Variants in NRG3 observed in about 807,000 individuals in gnomAD.
NRG3 encodes the protein pro-neuregulin-3, membrane-bound isoform.
NRG3 carries 31 observed loss-of-function variants against 66.9 expected under a neutral mutation model. The observed-to-expected ratio is 0.46, with a 90% confidence interval of 0.35 to 0.63. The LOEUF is 0.63. Among genes scored for constraint, NRG3 ranks in the 20% least tolerant of loss-of-function variants. The probability of loss-of-function intolerance (pLI) is 0.00; values close to 1 mark genes in which losing one functional copy is unlikely to be tolerated. For missense variants in NRG3, 910 were observed against 878.9 expected (o/e 1.04, Z -0.45); for synonymous variants, 393 against 359.4 (o/e 1.09, Z -1.06).
Position 82,799,333 on chromosome 10 carries a change from C to T in NRG3, c.1027+60683C>T, listed in dbSNP as rs2060931620. On this transcript the variant is annotated intron_variant, in intron 3 of 8. Transcript: ENST00000372141. ...ACCGAAGTCAGGAGTTCAAACCAGC[C>T]TGGCCAATGCGGTGAAACCCCATCT... 2.0e-5 allele frequency among the ~76,000 whole-genome samples: 3 copies of T among 151,956 alleles called. No individual in the cohort carries two copies. In the South Asian group the frequency reaches 6.2e-4, roughly 32 times the overall value.
intron 2 of NRG3, among the ~76,000 whole-genome samples, chr10:82,626,133 G>A (rs552870599): frequency 6.6e-6 from 1 of 152,050 alleles, no homozygotes. Flanking sequence ...CATTCACTCA[G>A]CCTCACAATC....
At chr10:82,838,698 G>A (rs1331159667) in intron 3 of NRG3, among the ~76,000 whole-genome samples, 1 of 151,990 alleles carries the variant, frequency 6.6e-6, no homozygotes, top group African/African-American at 2.4e-5. Context: ...GGTGTCAGGT[G>A]TATCTTAGTT....
At chr10:82,448,661 A>C (rs950502213) in intron 2 of NRG3, among the ~76,000 whole-genome samples, 6 of 152,170 alleles carry the variant, frequency 3.9e-5, no homozygotes, top group African/African-American at 1.4e-4. Context: ...TCTCACCTCC[A>C]TATCACCAAG....
At chr10:82,820,197 A>T (rs539217842) in intron 3 of NRG3, among the ~76,000 whole-genome samples, 93 of 152,332 alleles carry the variant, frequency 6.1e-4, no homozygotes, top group Non-Finnish European at 8.8e-4. Flanking sequence ...TAGAACCTAG[A>T]TCTATCAGTT....
intron 3 of NRG3, among the ~76,000 whole-genome samples, chr10:82,762,765 C>G (rs1420179330): frequency 6.6e-6 from 1 of 152,120 alleles, no homozygotes; most frequent in Admixed American, 6.5e-5. Flanking sequence ...CCAAGCTTTC[C>G]ATGTCAACTA....
intron 2 of NRG3, among the ~76,000 whole-genome samples, chr10:82,459,084 T>G (rs1401938230): frequency 6.6e-6 from 1 of 152,162 alleles, no homozygotes; most frequent in Non-Finnish European, 1.5e-5. Context: ...GGCCTTCTTG[T>G]CCATACTCCT....
At chr10:82,359,799 C>CT in intron 2 of NRG3, among the ~76,000 whole-genome samples, 1 of 152,160 alleles carries the variant, frequency 6.6e-6, no homozygotes. Context: ...AAAATTATGA[C>CT]TTTTTTCTAT....
chr10:82,969,569 C>T (rs185441084), intron 6 of NRG3, among the ~76,000 whole-genome samples: 36 of 152,256 alleles, frequency 2.4e-4, no homozygotes, highest in African/African-American at 7.7e-4. Flanking sequence ...TTTATAGGTC[C>T]ACTGTGAAAA....
intron 2 of NRG3, among the ~76,000 whole-genome samples, chr10:82,717,602 C>T (rs1199949469): frequency 6.6e-6 from 1 of 151,768 alleles, no homozygotes; most frequent in East Asian, 1.9e-4. Context: ...GGTTTCACCA[C>T]GTTAGTAGTA....
At chr10:82,643,904 CCA>C (rs3040199) in intron 2 of NRG3, among the ~76,000 whole-genome samples, 38,030 of 149,870 alleles carry the variant, frequency 0.25, 5,522 homozygotes, top group African/African-American at 0.41. Context: ...ACACACACAC[CCA>C]CACACACACA....
At chr10:82,327,538 G>A (rs1324374150) in intron 1 of NRG3, among the ~76,000 whole-genome samples, 1 of 152,118 alleles carries the variant, frequency 6.6e-6, no homozygotes, top group Non-Finnish European at 1.5e-5. Context: ...TTACTTCAGC[G>A]GAGGCAGAGA....
intron 1 of NRG3, among the ~76,000 whole-genome samples, chr10:82,312,808 A>T (rs2081100382): frequency 6.6e-6 from 1 of 152,074 alleles, no homozygotes; most frequent in South Asian, 2.1e-4. Context: ...AGCATTAGTA[A>T]TTTTTGCTCA....
At chr10:82,615,668 A>G (rs1199068152) in intron 2 of NRG3, among the ~76,000 whole-genome samples, 8 of 152,190 alleles carry the variant, frequency 5.3e-5, no homozygotes, top group African/African-American at 2.4e-5. Flanking sequence ...GGTTTGTACT[A>G]GGAAGGATTC....
At chr10:81,924,768 G>GT (rs1846606618) in intron 1 of NRG3, among the ~76,000 whole-genome samples, 1 of 152,168 alleles carries the variant, frequency 6.6e-6, no homozygotes, top group African/African-American at 2.4e-5. Context: ...ATCAAAGAAG[G>GT]TCGGTCACTG....
intron 4 of NRG3, among the ~76,000 whole-genome samples, chr10:82,951,055 G>A (rs1164546123): frequency 6.6e-6 from 1 of 152,146 alleles, no homozygotes; most frequent in African/African-American, 2.4e-5. Flanking sequence ...AGAAAACACA[G>A]GGGCATCAGC....
chr10:81,917,789 A>C (rs1337467029), intron 1 of NRG3, among the ~76,000 whole-genome samples: 1 of 152,196 alleles, frequency 6.6e-6, no homozygotes, highest in Non-Finnish European at 1.5e-5. Context: ...ACCCCCCTCC[A>C]AGCTGTACTT....
At chr10:82,065,660 T>C (rs2064413921) in intron 1 of NRG3, among the ~76,000 whole-genome samples, 1 of 152,190 alleles carries the variant, frequency 6.6e-6, no homozygotes, top group African/African-American at 2.4e-5. Flanking sequence ...AAAATGTTTT[T>C]AATAATTAAA....
At chr10:82,960,795 C>T (rs536228645) in intron 6 of NRG3, among the ~76,000 whole-genome samples, 3 of 152,236 alleles carry the variant, frequency 2.0e-5, no homozygotes, top group African/African-American at 4.8e-5. Flanking sequence ...CCCCACTGAG[C>T]ACCTTGTGAC....
chr10:82,413,848 C>T (rs1351146231), intron 2 of NRG3, among the ~76,000 whole-genome samples: 3 of 152,166 alleles, frequency 2.0e-5, no homozygotes, highest in Non-Finnish European at 4.4e-5. Flanking sequence ...AACTTTTCTT[C>T]TGCAGCCTCC....
Sources: gnomAD v4.1 joint callset for allele counts (sites outside exome capture counted in the v4.1 genomes callset) on GRCh38, gnomAD v4.1.1 for gene constraint, MANE v1.5 for transcripts, NCBI Gene and HGNC (gene_info 2026-07-23, HGNC 2026-07-21) for gene names.